DYNC2H1: variants seen among roughly 807,000 people sequenced by gnomAD.
DYNC2H1 encodes the protein dynein cytoplasmic 2 heavy chain 1.
Under a neutral mutation model 570.0 loss-of-function variants are expected in DYNC2H1, and 410 were observed. The ratio of observed to expected loss-of-function variants is 0.72; its 90% CI spans 0.66 to 0.78. The LOEUF is 0.78. DYNC2H1 is among the 30% of genes least tolerant of loss of function. DYNC2H1 has a pLI of 0.00. For missense variants in DYNC2H1, 4,865 were observed against 5,046.4 expected, an observed-to-expected ratio of 0.96 and a Z score of 1.09; for synonymous variants, 1,688 against 1,677.6, an observed-to-expected ratio of 1.01 and a Z score of -0.15.
At chr11:103,168,255 G>C (rs574418067) in intron 31 of DYNC2H1, among the ~76,000 whole-genome samples, 1 of 152,262 alleles carries the variant, frequency 6.6e-6, no homozygotes, top group East Asian at 1.9e-4. Context: ...AGCTAGAGGT[G>C]GTTTTCTAGA....
chr11:103,216,009 T>C, intron 55 of DYNC2H1, 151 bp downstream of exon 55: 1 of 902,362 alleles, frequency 1.1e-6, no homozygotes, highest in Non-Finnish European at 1.6e-6. Flanking sequence ...TAAGCTTTTG[T>C]GGAAGGGCAT....
intron 84 of DYNC2H1, among the ~76,000 whole-genome samples, chr11:103,414,963 A>C (rs939296759): frequency 9.2e-5 from 14 of 152,188 alleles, no homozygotes; most frequent in African/African-American, 3.4e-4. Context: ...GTACTTCCCA[A>C]AGTAATTTAT....
intron 82 of DYNC2H1, among the ~76,000 whole-genome samples, chr11:103,347,552 G>C (rs1796189753): frequency 6.6e-6 from 1 of 152,130 alleles, no homozygotes; most frequent in Non-Finnish European, 1.5e-5. Context: ...GTGCTGGAAA[G>C]TGTTGACAGT....
chr11:103,118,339 C>G (rs1858521195), intron 6 of DYNC2H1, among the ~76,000 whole-genome samples: 1 of 150,394 alleles, frequency 6.6e-6, no homozygotes, highest in African/African-American at 2.4e-5. Flanking sequence ...AACTATAGTT[C>G]TTTATTAGAG....
chr11:103,273,901 C>G (rs1029369165), intron 70 of DYNC2H1, among the ~76,000 whole-genome samples: 3 of 152,144 alleles, frequency 2.0e-5, no homozygotes, highest in Non-Finnish European at 2.9e-5. Context: ...CCATTACCCA[C>G]TTATTGTCTA....
chr11:103,125,255 T>C lies in DYNC2H1; in HGVS notation c.1817T>C (p.Ile606Thr). ...IPAKIQQVAN[I>T]AQKFCKQAII... ...GCCAAAATACAGCAAGTTGCAAACA[T>C]TGCACAGAAATTCTGCAAGCAAGCA... Residue 606 changes from isoleucine (I) to threonine (T), a missense_variant, in exon 12 of 89, where the codon ATT becomes ACT. Coordinates refer to ENST00000375735, the MANE Select transcript of DYNC2H1 (RefSeq NM_001377.3). 6.2e-7 allele frequency: 1 copy of C among 1,611,060 alleles called. No individual in the cohort carries two copies. Among genetic ancestry groups the C allele is most frequent in the Non-Finnish European group, 8.5e-7 (1 of 1,178,580 alleles).
chr11:103,231,862 G>C (rs615309), intron 60 of DYNC2H1, among the ~76,000 whole-genome samples: 114,598 of 151,734 alleles, frequency 0.76, 43,799 homozygotes, highest in Admixed American at 0.83. Flanking sequence ...TTCTCTCTCT[G>C]TGTGTGTGTT....
At chr11:103,224,897 T>C (rs1488855741) in intron 59 of DYNC2H1, among the ~76,000 whole-genome samples, 1 of 152,202 alleles carries the variant, frequency 6.6e-6, no homozygotes, top group Non-Finnish European at 1.5e-5. Context: ...TTTCACTGCA[T>C]CCCTGCCAAC....
At position 103,458,334 on chromosome 11, in the gene DYNC2H1, A is replaced by G. The variant is rs936932506; in HGVS notation, c.12648+1978A>G. ...ATAGCATCTAGCCTAGGTATGTAGT[A>G]GGCTATACCATCTAGGTTTGTTTAA... On this transcript the variant is annotated intron_variant, in intron 87 of 88. Transcript: ENST00000375735. Among the ~76,000 whole-genome samples the G allele has an allele frequency of 2.6e-5, 4 of 152,310 alleles. No homozygotes were observed. In the East Asian group the frequency reaches 5.8e-4, roughly 22 times the overall value.
chr11:103,309,403 G>A (rs1340977068), intron 78 of DYNC2H1, among the ~76,000 whole-genome samples: 3 of 147,122 alleles, frequency 2.0e-5, no homozygotes, highest in African/African-American at 7.5e-5. Context: ...CTATGTTGCC[G>A]AGGCTGGTCC....
At chr11:103,391,895 C>G (rs1026973745) in intron 83 of DYNC2H1, among the ~76,000 whole-genome samples, 3 of 131,518 alleles carry the variant, frequency 2.3e-5, no homozygotes, top group African/African-American at 7.5e-5. Context: ...TGTGAGGTGT[C>G]ATTGTGCCCC....
chr11:103,364,623 A>C (rs1047932008), intron 83 of DYNC2H1, among the ~76,000 whole-genome samples: 9 of 149,518 alleles, frequency 6.0e-5, no homozygotes, highest in African/African-American at 2.0e-4. Flanking sequence ...TTAAGCAGGT[A>C]GTCAACCTAT....
intron 83 of DYNC2H1, among the ~76,000 whole-genome samples, chr11:103,377,570 T>C (rs1036288662): frequency 2.0e-5 from 3 of 152,196 alleles, no homozygotes; most frequent in Non-Finnish European, 4.4e-5. Flanking sequence ...CATTTAGTTA[T>C]ATAATTCTGT....
chr11:103,339,846 C>T (rs1431168996), intron 82 of DYNC2H1, among the ~76,000 whole-genome samples: 2 of 152,212 alleles, frequency 1.3e-5, no homozygotes, highest in East Asian at 3.9e-4. Context: ...CTCCTCCTGG[C>T]GATGGATGCT....
rs745676088 is a variant in DYNC2H1, at chr11:103,154,681, T to C, written c.3459-14T>C. ...TGGATGTAATCTTTGCAATGTGTTTTTGGTATTTTATAGGACTAAGACATA... is the reference window on the plus strand; with the variant it reads ...TGGATGTAATCTTTGCAATGTGTTTCTGGTATTTTATAGGACTAAGACATA... On this transcript the variant is annotated splice_polypyrimidine_tract_variant and intron_variant, in intron 23 of 88. Coordinates refer to ENST00000375735, the MANE Select transcript of DYNC2H1 (RefSeq NM_001377.3). The C allele has an allele frequency of 6.4e-7, 1 of 1,566,190 alleles. No individual in the cohort carries two copies. Among genetic ancestry groups the C allele is most frequent in the Admixed American group, 1.9e-5 (1 of 51,478 alleles).
intron 87 of DYNC2H1, among the ~76,000 whole-genome samples, chr11:103,459,534 G>A (rs1361202907): frequency 6.6e-6 from 1 of 152,048 alleles, no homozygotes; most frequent in Non-Finnish European, 1.5e-5. Flanking sequence ...TATAATAGGA[G>A]AGGCACTGTA....
rs919635474 is a variant in DYNC2H1 at position 103,395,947 on chromosome 11, C to G, written c.12157-3716C>G. On this transcript the variant is annotated intron_variant, in intron 83 of 88. Coordinates refer to ENST00000375735, the MANE Select transcript of DYNC2H1 (RefSeq NM_001377.3). This position sits in a 1 kb window ranked among gnomAD's most constrained non-coding sequence, Gnocchi z 4.3. The stretch of plus-strand genomic sequence containing the variant: ...AGGTATTTTTCCCTTTTCTTTAACC[C>G]TTACAGATCCACTCCAACTTTGTTT... Among the ~76,000 whole-genome samples the G allele has an allele frequency of 1.2e-4, 19 of 152,158 alleles. No individual in the cohort carries two copies. The highest frequency in any genetic ancestry group is 4.3e-4 in the African/African-American group (18 of 41,440).
Position 103,326,425 on chromosome 11 carries a change from T to G in DYNC2H1, c.12039+2435T>G, listed in dbSNP as rs539667873. Among the ~76,000 whole-genome samples the G allele has an allele frequency of 6.6e-6, 1 of 152,148 alleles. No homozygotes were observed. Among genetic ancestry groups the G allele is most frequent in the Non-Finnish European group, 1.5e-5 (1 of 68,020 alleles). The stretch of plus-strand genomic sequence containing the variant: ...TCTGGGCCAGCCCTGTGGAGGGACG[T>G]ACGAACCGCCTCTGTGCTGGCCCAC... On this transcript the variant is annotated intron_variant, in intron 82 of 88. Transcript: ENST00000375735. The surrounding 1 kb of genome is among the most constrained non-coding windows in gnomAD (Gnocchi z 6.1).
chr11:103,459,257 C>G (rs1173246151), intron 87 of DYNC2H1, among the ~76,000 whole-genome samples: 2 of 130,528 alleles, frequency 1.5e-5, no homozygotes, highest in African/African-American at 3.0e-5. Context: ...TGCAGTGAGC[C>G]GAGATCCCGC....
Sources: allele counts gnomAD v4.1 joint callset (sites outside exome capture counted in the v4.1 genomes callset), GRCh38; gene constraint gnomAD v4.1.1; non-coding constraint Gnocchi (gnomAD v3.1); transcripts MANE v1.5; gene names NCBI Gene and HGNC (gene_info 2026-07-23, HGNC 2026-07-21).